Variants in DPYSL2 observed in about 807,000 individuals in gnomAD.
The protein encoded by DPYSL2 is dihydropyrimidinase like 2, also known as dihydropyrimidinase-related protein 2.
In DPYSL2, 13 loss-of-function variants were observed where a neutral mutation model predicts 69.9. The observed-to-expected ratio is 0.19, with a 90% CI of 0.12 to 0.30. The LOEUF is 0.30. Among genes scored for constraint, DPYSL2 ranks in the 10% least tolerant of loss-of-function variants. DPYSL2 has a pLI of 1.00. For missense variants in DPYSL2, 587 were observed against 918.9 expected, an observed-to-expected ratio of 0.64 and a Z score of 4.67; for synonymous variants, 326 against 359.1, an observed-to-expected ratio of 0.91 and a Z score of 1.04.
chr8:26,621,846 G>T lies in DPYSL2; in HGVS notation c.629-2297G>T, dbSNP rs1385553625. Among the ~76,000 whole-genome samples, 2 of 152,134 alleles carry T rather than the reference G, an allele frequency of 1.3e-5. No individual in the cohort carries two copies. Among genetic ancestry groups the T allele is most frequent in the South Asian group, 4.2e-4 (2 of 4,816 alleles). The stretch of plus-strand genomic sequence containing the variant: ...TACCTTGGAGAGATCAACTAGGACC[G>T]GATCTGACTGGCCAAGAGAAAGAGT... On this transcript the variant is annotated intron_variant, in intron 3 of 13. Coordinates refer to ENST00000521913, the MANE Select transcript of DPYSL2 (RefSeq NM_001197293.3). The surrounding 1 kb of genome is among the most constrained non-coding windows in gnomAD (Gnocchi z 4.9).
chr8:26,561,813 T>C (rs1043789998), intron 1 of DPYSL2, among the ~76,000 whole-genome samples: 2 of 152,210 alleles, frequency 1.3e-5, no homozygotes, highest in Non-Finnish European at 2.9e-5. Flanking sequence ...GAAGATCTAC[T>C]GGCTGGCTGA....
At position 26,622,363 on chromosome 8, in the gene DPYSL2, G is replaced by A. The variant is rs114968650; in HGVS notation, c.629-1780G>A. 5.9e-3 allele frequency among the ~76,000 whole-genome samples: 893 copies of A among 151,844 alleles called. 10 individuals carry two copies. The highest frequency in any genetic ancestry group is 0.021 in the African/African-American group (854 of 41,366). ...TCTGTATTACAGATACCAGATATGT[G>A]TGTACCCATTTATTTACTAATCACT... On this transcript the variant is annotated intron_variant, in intron 3 of 13. Transcript: ENST00000521913.
At chr8:26,628,903 T>C (rs1020031203) in intron 7 of DPYSL2, among the ~76,000 whole-genome samples, 1 of 152,112 alleles carries the variant, frequency 6.6e-6, no homozygotes, top group Non-Finnish European at 1.5e-5. Context: ...GATGTGGTCA[T>C]GTTCATACCA....
At chr8:26,563,558 G>A (rs1206381815) in intron 1 of DPYSL2, among the ~76,000 whole-genome samples, 1 of 152,170 alleles carries the variant, frequency 6.6e-6, no homozygotes, top group Non-Finnish European at 1.5e-5. Context: ...CAGAGGCAAA[G>A]TCAGATTTTT....
In DPYSL2 at chr8:26,582,023, T is replaced by C. The variant is rs1049989995; in HGVS notation, c.409T>C (p.Tyr137His). The change falls in exon 2 of 14, where the codon TAT (tyrosine) becomes CAT (histidine). Residue 137 changes from tyrosine (Y) to histidine (H), a missense_variant. Tyr to His is a moderately conservative substitution (Grantham distance 83, BLOSUM62 2). Transcript: ENST00000521913. The surrounding 1 kb of genome is among the most constrained non-coding windows in gnomAD (Gnocchi z 4.1). ...GKIVNDDQSF[Y>H]ADIYMEDGLI... ...AATTGTTAATGATGACCAGTCGTTC[T>C]ATGCAGACATATACATGGAAGATGG... 3.7e-6 allele frequency: 6 copies of C among 1,613,868 alleles called. No homozygotes were observed. The highest frequency in any genetic ancestry group is 5.1e-6 in the Non-Finnish European group (6 of 1,179,992).
At chr8:26,525,575 T>A (rs1456513517) in intron 1 of DPYSL2, among the ~76,000 whole-genome samples, 1 of 152,258 alleles carries the variant, frequency 6.6e-6, no homozygotes, top group Non-Finnish European at 1.5e-5. Context: ...TGTCTTTAAC[T>A]TGAAGTAACA....
chr8:26,578,087 C>T, intron 1 of DPYSL2: 7 of 1,497,914 alleles, frequency 4.7e-6, no homozygotes, highest in South Asian at 2.6e-5. Context: ...TTGCATTCAT[C>T]CGTTACGTTC....
rs567101122 is a variant in DPYSL2 at position 26,626,598 on chromosome 8, T to G, written c.794-19T>G. On this transcript the variant is annotated intron_variant, in intron 4 of 13. Coordinates refer to ENST00000521913, the MANE Select transcript of DPYSL2 (RefSeq NM_001197293.3). The surrounding 1 kb of genome is among the most constrained non-coding windows in gnomAD (Gnocchi z 4.3). The stretch of plus-strand genomic sequence containing the variant: ...GGTTTATCTATTAAAAGTCCACTTC[T>G]CTATTTTGTCCGCACTAGGGGTAAA... 1 of 1,613,356 alleles carries G rather than the reference T, an allele frequency of 6.2e-7. No individual in the cohort carries two copies. Among genetic ancestry groups the G allele is most frequent in the African/African-American group, 1.3e-5 (1 of 74,996 alleles).
Position 26,652,518 on chromosome 8 carries a change from A to G in DPYSL2, c.1776+82A>G, listed in dbSNP as rs1803299464. The G allele has an allele frequency of 1.4e-6, 2 of 1,409,440 alleles. No individual in the cohort carries two copies. Among genetic ancestry groups the G allele is most frequent in the African/African-American group, 2.9e-5 (2 of 69,606 alleles). The allele number at this position is 1,409,440 out of a possible 1,614,324, so 87.3% of individuals were successfully genotyped here. A position where few individuals can be genotyped will look rare whatever the true frequency, so the allele number is the denominator to read the frequency against. ...ACAAACATTTATTAAGCACCTTGAG[A>G]CAGAATATTAAGATGAATTTAGTGG... On this transcript the variant is annotated intron_variant, in intron 12 of 13. Transcript: ENST00000521913. This position sits in a 1 kb window ranked among gnomAD's most constrained non-coding sequence, Gnocchi z 6.3.
Position 26,655,977 on chromosome 8 carries a change from AC to A in DPYSL2, c.*272del, listed in dbSNP as rs1803378990. 3.0e-6 allele frequency: 1 copy of A among 336,318 alleles called. No homozygotes were observed. Among genetic ancestry groups the A allele is most frequent in the Non-Finnish European group, 5.4e-6 (1 of 186,560 alleles). 20.8% of individuals were successfully genotyped at this position (336,318 alleles called of 1,614,324 possible). On this transcript the variant is annotated 3_prime_UTR_variant, in exon 14 of 14. Coordinates refer to ENST00000521913, the MANE Select transcript of DPYSL2 (RefSeq NM_001197293.3). ...AAGCTCATACAGGGAACCACACCCA[AC>A]ACTTAGACATGCGAACAAGCAGCCC...
intron 1 of DPYSL2, chr8:26,577,098 C>G: frequency 2.3e-6 from 1 of 438,842 alleles, no homozygotes; most frequent in Non-Finnish European, 4.6e-6. Flanking sequence ...TCCCATACCC[C>G]GCAGCCTTCC....
At chr8:26,570,544 C>T (rs934870760) in intron 1 of DPYSL2, among the ~76,000 whole-genome samples, 2 of 151,998 alleles carry the variant, frequency 1.3e-5, no homozygotes, top group African/African-American at 4.8e-5. Flanking sequence ...CGAGACCAGC[C>T]TGGCCAACAT....
At chr8:26,634,016 C>T (rs1378283450) in intron 7 of DPYSL2, among the ~76,000 whole-genome samples, 1 of 152,238 alleles carries the variant, frequency 6.6e-6, no homozygotes, top group Non-Finnish European at 1.5e-5. Flanking sequence ...CACTGAATAT[C>T]TTGACTCAAG....
chr8:26,643,725 T>C lies in DPYSL2; in HGVS notation c.1283+130T>C, dbSNP rs146185684. 8.6e-4 allele frequency: 1,187 copies of C among 1,386,154 alleles called. 9 individuals carry two copies. In the African/African-American group the frequency reaches 0.015, roughly 18 times the overall value. The allele number at this position is 1,386,154 out of a possible 1,614,324, so 85.9% of individuals were successfully genotyped here. A position where few individuals can be genotyped will look rare whatever the true frequency, so the allele number is the denominator to read the frequency against. On this transcript the variant is annotated intron_variant, in intron 9 of 13. Coordinates refer to ENST00000521913, the MANE Select transcript of DPYSL2 (RefSeq NM_001197293.3). The surrounding 1 kb of genome is among the most constrained non-coding windows in gnomAD (Gnocchi z 6.5). ...GGAGACCCTTGTTCACCAAACTAGG[T>C]TGGCTACATGAGTACAGGGAATTGT...
rs980640779 is a variant in DPYSL2, at chr8:26,620,153, G to A, written c.629-3990G>A. 1.3e-5 allele frequency: 2 copies of A among 152,182 alleles called. No individual in the cohort carries two copies. The highest frequency in any genetic ancestry group is 4.8e-5 in the African/African-American group (2 of 41,396). The allele number at this position is 152,182 out of a possible 1,614,324, so 9.4% of individuals were successfully genotyped here. A position where few individuals can be genotyped will look rare whatever the true frequency, so the allele number is the denominator to read the frequency against. ...TGATGTTCTAAATCTAGATTGTGGT[G>A]ATGGTTGTAAGGCTTTAGATGGCTT... On this transcript the variant is annotated intron_variant, in intron 3 of 13. Coordinates refer to ENST00000521913, the MANE Select transcript of DPYSL2 (RefSeq NM_001197293.3). The surrounding 1 kb of genome is among the most constrained non-coding windows in gnomAD (Gnocchi z 4.5).
At chr8:26,557,353 A>C (rs1292561583) in intron 1 of DPYSL2, among the ~76,000 whole-genome samples, 1 of 152,130 alleles carries the variant, frequency 6.6e-6, no homozygotes, top group Non-Finnish European at 1.5e-5. Context: ...ACCCAACAAC[A>C]AGAAAACAAA....
chr8:26,647,554 G>C lies in DPYSL2; in HGVS notation c.1426-76G>C. ...ATCTAAGCTGTCGTGTGTATCAATA[G>C]TTTGTTATTGAAAAGTAACTTTTTA... On this transcript the variant is annotated intron_variant, in intron 10 of 13. Transcript: ENST00000521913. The surrounding 1 kb of genome is among the most constrained non-coding windows in gnomAD (Gnocchi z 5.1). 6.9e-7 allele frequency: 1 copy of C among 1,457,842 alleles called. No individual in the cohort carries two copies. The highest frequency in any genetic ancestry group is 9.3e-7 in the Non-Finnish European group (1 of 1,075,936). 90.3% of individuals were successfully genotyped at this position (1,457,842 alleles called of 1,614,324 possible). A position where few individuals can be genotyped will look rare whatever the true frequency, so the allele number is the denominator to read the frequency against.
At chr8:26,520,895 G>A in intron 1 of DPYSL2, among the ~76,000 whole-genome samples, 1 of 152,050 alleles carries the variant, frequency 6.6e-6, no homozygotes, top group Non-Finnish European at 1.5e-5. Flanking sequence ...AGTGGAAGGG[G>A]CCAAGGGAGG....
chr8:26,626,560 T>G lies in DPYSL2; in HGVS notation c.794-57T>G. On this transcript the variant is annotated intron_variant, in intron 4 of 13. Coordinates refer to ENST00000521913, the MANE Select transcript of DPYSL2 (RefSeq NM_001197293.3). This position sits in a 1 kb window ranked among gnomAD's most constrained non-coding sequence, Gnocchi z 4.3. Reference sequence around the variant, plus strand: ...ACAGTATTATCACTTTCTTATCCCTTATTTGGTTATTTGGTTTATCTATTA... The same window carrying G: ...ACAGTATTATCACTTTCTTATCCCTGATTTGGTTATTTGGTTTATCTATTA... The G allele has an allele frequency of 1.3e-6, 2 of 1,493,730 alleles. No individual in the cohort carries two copies. The highest frequency in any genetic ancestry group is 9.3e-7 in the Non-Finnish European group (1 of 1,072,422). 92.5% of individuals were successfully genotyped at this position (1,493,730 alleles called of 1,614,324 possible).
Sources: allele counts gnomAD v4.1 joint callset (sites outside exome capture counted in the v4.1 genomes callset), GRCh38; gene constraint gnomAD v4.1.1; non-coding constraint Gnocchi (gnomAD v3.1); transcripts MANE v1.5; gene names NCBI Gene and HGNC (gene_info 2026-07-23, HGNC 2026-07-21).